Variants in GRIN2B observed in about 807,000 individuals in gnomAD.
The protein encoded by GRIN2B is glutamate receptor ionotropic, NMDA 2B.
In GRIN2B, 5 loss-of-function variants were observed where a neutral mutation model predicts 114.5. The ratio of observed to expected loss-of-function variants is 0.04; its 90% confidence interval spans 0.02 to 0.09. The LOEUF is 0.09. GRIN2B is among the 10% of genes least tolerant of loss of function. The pLI is 1.00. For synonymous variants in GRIN2B, 787 were observed against 745.1 expected (o/e 1.06, Z -0.92); for missense variants, 1,108 against 1,943.5 (o/e 0.57, Z 8.08).
At chr12:13,779,710 G>T (rs1864071850) in intron 3 of GRIN2B, among the ~76,000 whole-genome samples, 1 of 152,140 alleles carries the variant, frequency 6.6e-6, no homozygotes, top group African/African-American at 2.4e-5. Flanking sequence ...GTGCTCAGTT[G>T]CTAAATGTGG....
At chr12:13,672,830 A>G (rs1003435110) in intron 5 of GRIN2B, among the ~76,000 whole-genome samples, 27 of 152,096 alleles carry the variant, frequency 1.8e-4, no homozygotes, top group Admixed American at 1.6e-3. Flanking sequence ...CAAAAATTCA[A>G]TCTACACAAA....
rs11055575 is a variant in GRIN2B at position 13,665,167 on chromosome 12, T to G, written c.1125+10578A>C. 1.3e-3 allele frequency among the ~76,000 whole-genome samples: 191 copies of G among 149,844 alleles called. 1 individual carries two copies. The highest frequency in any genetic ancestry group is 3.2e-3 in the African/African-American group (130 of 40,712). The stretch of plus-strand genomic sequence containing the variant: ...TGTGTTTGTGTGTGTGTGTGTGTGT[T>G]TGTGTGTGTGTGTGTGTGTGTGTGA... On this transcript the variant is annotated intron_variant, in intron 5 of 13. Coordinates refer to ENST00000609686, the MANE Select transcript of GRIN2B (RefSeq NM_000834.5).
chr12:13,808,743 T>TAAAA (rs61197260), intron 3 of GRIN2B, among the ~76,000 whole-genome samples: 15 of 115,042 alleles, frequency 1.3e-4, no homozygotes, highest in African/African-American at 4.0e-4. Context: ...TAAAGTATAA[T>TAAAA]AAAAAAAAAA....
At chr12:13,979,449 A>G (rs1035160798) in intron 2 of GRIN2B, among the ~76,000 whole-genome samples, 2 of 151,834 alleles carry the variant, frequency 1.3e-5, no homozygotes, top group African/African-American at 4.8e-5. Context: ...TTTAAAGGGC[A>G]TAGAAAGGAT....
intron 4 of GRIN2B, among the ~76,000 whole-genome samples, chr12:13,741,925 C>A (rs1376280617): frequency 6.6e-6 from 1 of 152,022 alleles, no homozygotes; most frequent in African/African-American, 2.4e-5. Context: ...TATATAAAGC[C>A]CTTGGCACAT....
intron 5 of GRIN2B, among the ~76,000 whole-genome samples, chr12:13,645,119 A>G (rs1949750496): frequency 6.6e-6 from 1 of 152,090 alleles, no homozygotes; most frequent in Non-Finnish European, 1.5e-5. Flanking sequence ...GTTTTCCATG[A>G]GGCTTCCTCA....
chr12:13,928,394 T>G (rs1866956723), intron 2 of GRIN2B, among the ~76,000 whole-genome samples: 1 of 152,170 alleles, frequency 6.6e-6, no homozygotes, highest in Non-Finnish European at 1.5e-5. Flanking sequence ...CTTTAAATTA[T>G]TTCATTCTGG....
In GRIN2B at chr12:13,537,886, C is replaced by T. The variant is rs1165249492; in HGVS notation, c.*24897G>A. 1.3e-5 allele frequency: 2 copies of T among 152,120 alleles called. No homozygotes were observed. Among genetic ancestry groups the T allele is most frequent in the Non-Finnish European group, 2.9e-5 (2 of 68,032 alleles). 9.4% of individuals were successfully genotyped at this position (152,120 alleles called of 1,614,324 possible). On this transcript the variant is annotated 3_prime_UTR_variant, in exon 14 of 14. Transcript: ENST00000609686. ...GGTTTCAAGATAAGAAAACGGAAGT[C>T]TAGATGATTTGATGCAGGCCACAAA...
chr12:13,869,068 A>G (rs147984283), intron 2 of GRIN2B, among the ~76,000 whole-genome samples: 406 of 152,242 alleles, frequency 2.7e-3, no homozygotes, highest in South Asian at 9.3e-3. Context: ...TTGGGCTCTC[A>G]CCATAGCCTG....
intron 11 of GRIN2B, among the ~76,000 whole-genome samples, chr12:13,570,986 G>T (rs1408384013): frequency 6.6e-6 from 1 of 152,204 alleles, no homozygotes; most frequent in Non-Finnish European, 1.5e-5. Context: ...CTACCTTCAA[G>T]CTCAAATTCC....
At chr12:13,634,985 A>G (rs1473003668) in intron 5 of GRIN2B, among the ~76,000 whole-genome samples, 3 of 152,194 alleles carry the variant, frequency 2.0e-5, no homozygotes, top group Non-Finnish European at 2.9e-5. Flanking sequence ...CAATCTTCAA[A>G]TGATGCATCT....
chr12:13,676,800 A>G (rs79962104), intron 4 of GRIN2B, among the ~76,000 whole-genome samples: 5 of 152,168 alleles, frequency 3.3e-5, no homozygotes, highest in Admixed American at 2.6e-4. Context: ...GGGATCTGAT[A>G]TGACAGGATG....
intron 2 of GRIN2B, among the ~76,000 whole-genome samples, chr12:13,880,986 G>T (rs921242626): frequency 6.8e-6 from 1 of 147,150 alleles, no homozygotes; most frequent in Non-Finnish European, 1.5e-5. Context: ...TGACAAAGGG[G>T]TATAAGGTTG....
chr12:13,855,357 G>A lies in GRIN2B; in HGVS notation c.411+10441C>T, dbSNP rs145867928. 5.3e-5 allele frequency among the ~76,000 whole-genome samples: 8 copies of A among 152,328 alleles called. No individual in the cohort carries two copies. The East Asian group carries it at 1.5e-3, about 29-fold the overall frequency. Reference sequence around the variant, plus strand: ...TTTTCTAAAGGTCACACAGTAAGTGGTGATAGAACCAGGAAACAGCAAGGC... The same window carrying A: ...TTTTCTAAAGGTCACACAGTAAGTGATGATAGAACCAGGAAACAGCAAGGC... On this transcript the variant is annotated intron_variant, in intron 3 of 13. Coordinates refer to ENST00000609686, the MANE Select transcript of GRIN2B (RefSeq NM_000834.5).
Position 13,708,025 on chromosome 12 carries a change from G to A in GRIN2B, c.1011-32166C>T, listed in dbSNP as rs111715058. Among the ~76,000 whole-genome samples, 488 of 152,006 alleles carry A rather than the reference G, an allele frequency of 3.2e-3. 6 individuals carry two copies. The highest frequency in any genetic ancestry group is 0.011 in the African/African-American group (460 of 41,476). The stretch of plus-strand genomic sequence containing the variant: ...CATGTAGAGTTTGTTCAAGGAACAG[G>A]GGAGTTACAGGCAATAAGGCAGAGT... On this transcript the variant is annotated intron_variant, in intron 4 of 13. Transcript: ENST00000609686.
intron 3 of GRIN2B, among the ~76,000 whole-genome samples, chr12:13,783,498 G>T (rs1438824164): frequency 6.6e-6 from 1 of 150,392 alleles, no homozygotes; most frequent in Non-Finnish European, 1.5e-5. Flanking sequence ...TGCCACCTTT[G>T]TTCCAAGCAA....
intron 2 of GRIN2B, among the ~76,000 whole-genome samples, chr12:13,886,064 C>A (rs1866152020): frequency 1.3e-5 from 2 of 152,150 alleles, no homozygotes; most frequent in Non-Finnish European, 2.9e-5. Context: ...AGCCAATTGT[C>A]CCCCAACCCA....
intron 2 of GRIN2B, among the ~76,000 whole-genome samples, chr12:13,958,465 T>C (rs1256779340): frequency 1.3e-5 from 2 of 152,226 alleles, no homozygotes; most frequent in Non-Finnish European, 2.9e-5. Flanking sequence ...ATTTAAAATA[T>C]ACTTAAAAGT....
intron 2 of GRIN2B, among the ~76,000 whole-genome samples, chr12:13,978,787 C>T (rs12581502): frequency 0.034 from 5,116 of 152,204 alleles, 308 homozygotes; most frequent in East Asian, 0.24. Flanking sequence ...GCCCTCCAAC[C>T]CATGAATGAT....
Sources: gnomAD v4.1 joint callset for allele counts (sites outside exome capture counted in the v4.1 genomes callset) on GRCh38, gnomAD v4.1.1 for gene constraint, MANE v1.5 for transcripts, NCBI Gene and HGNC (gene_info 2026-07-23, HGNC 2026-07-21) for gene names.